NKIRAS1: variants seen among roughly 807,000 people sequenced by gnomAD.
NKIRAS1 encodes NFKB inhibitor interacting Ras like 1.
In NKIRAS1, 16 loss-of-function variants were observed where a neutral mutation model predicts 19.8. That is an observed-to-expected ratio of 0.81 (90% confidence interval 0.55 to 1.23). The LOEUF (loss-of-function observed/expected upper bound fraction) is 1.23. NKIRAS1 is among the 50% of genes most tolerant of loss of function. The pLI, the probability that NKIRAS1 is intolerant of heterozygous loss-of-function variation, is 0.00. For synonymous variants in NKIRAS1, 88 were observed against 79.0 expected (o/e 1.11, Z -0.61); for missense variants, 184 against 220.0 (o/e 0.84, Z 1.04).
chr3:23,916,755 G>C (rs4263234), intron 1 of NKIRAS1, 29 bp downstream of exon 1: 10 of 148,262 alleles, frequency 6.7e-5, no homozygotes, highest in East Asian at 4.0e-4. Flanking sequence ...GACTCCGCAG[G>C]GGGAGAGCCC....
In NKIRAS1 at chr3:23,945,279, C is replaced by G. The variant is rs986123377; in HGVS notation, c.-140+1044G>C. On this transcript the variant is annotated intron_variant, in intron 1 of 4. Transcript: ENST00000421515. Reference sequence around the variant, plus strand: ...GCGCGGGTCACATGGTCGCGGCTGCCCTCCCCGTCAGCCGCCCTCGCCGCC... The same window carrying G: ...GCGCGGGTCACATGGTCGCGGCTGCGCTCCCCGTCAGCCGCCCTCGCCGCC... 2.6e-5 allele frequency: 4 copies of G among 154,462 alleles called. No individual in the cohort carries two copies. The Admixed American group carries it at 2.6e-4, about 10-fold the overall frequency. The allele number at this position is 154,462 out of a possible 1,614,324, so 9.6% of individuals were successfully genotyped here. A position where few individuals can be genotyped will look rare whatever the true frequency, so the allele number is the denominator to read the frequency against.
intron 3 of NKIRAS1, among the ~76,000 whole-genome samples, chr3:23,906,028 G>A (rs774385823): frequency 1.3e-5 from 2 of 151,872 alleles, no homozygotes; most frequent in African/African-American, 2.4e-5. Context: ...GCATGATGGC[G>A]CATGACCGTA....
intron 1 of NKIRAS1, chr3:23,946,036 C>A (rs1234024571): frequency 3.1e-5 from 28 of 909,264 alleles, no homozygotes; most frequent in Non-Finnish European, 3.7e-5. Flanking sequence ...CGGGGGCGCG[C>A]GCGCGCGCGC....
chr3:23,911,819 G>A (rs1419971952), intron 1 of NKIRAS1, among the ~76,000 whole-genome samples: 2 of 146,856 alleles, frequency 1.4e-5, no homozygotes, highest in Non-Finnish European at 3.0e-5. Flanking sequence ...CTGGAGTGCA[G>A]TGATGAGATT....
intron 1 of NKIRAS1, among the ~76,000 whole-genome samples, chr3:23,939,379 AG>A (rs1372951729): frequency 6.6e-6 from 1 of 152,158 alleles, no homozygotes; most frequent in Non-Finnish European, 1.5e-5. Flanking sequence ...CCATTGAAAA[AG>A]TTAACAAAGT....
At position 23,892,468 on chromosome 3, in the gene NKIRAS1, G is replaced by A. The variant is rs897776157; in HGVS notation, c.*627C>T. On this transcript the variant is annotated 3_prime_UTR_variant, in exon 5 of 5. Transcript: ENST00000425478. ...ACAGGGGTCTGGCTAAGGAAAAAAC[G>A]GCCTTAGAGCGTGATGAACCTACTT... The A allele has an allele frequency of 6.6e-6, 1 of 152,082 alleles. No individual in the cohort carries two copies. Among genetic ancestry groups the A allele is most frequent in the South Asian group, 2.1e-4 (1 of 4,832 alleles). 9.4% of individuals were successfully genotyped at this position (152,082 alleles called of 1,614,324 possible). A position where few individuals can be genotyped will look rare whatever the true frequency, so the allele number is the denominator to read the frequency against.
chr3:23,936,141 T>C (rs1399448739), intron 1 of NKIRAS1, among the ~76,000 whole-genome samples: 1 of 130,536 alleles, frequency 7.7e-6, no homozygotes, highest in African/African-American at 2.9e-5. Flanking sequence ...ATAAGCATAA[T>C]AGGAGTGTTT....
intron 4 of NKIRAS1, among the ~76,000 whole-genome samples, chr3:23,900,559 C>T (rs1351748083): frequency 1.4e-5 from 2 of 146,680 alleles, no homozygotes; most frequent in African/African-American, 2.5e-5. Flanking sequence ...CGCTTGTACC[C>T]GGGAGGCGGA....
At chr3:23,917,887 C>T, upstream of NKIRAS1, 2 of 1,611,200 alleles carry the variant, frequency 1.2e-6, no homozygotes, top group Non-Finnish European at 1.7e-6. Flanking sequence ...CATCCAGGAG[C>T]TATGGAGAAA....
Position 23,892,439 on chromosome 3 carries a change from A to G in NKIRAS1, c.*656T>C, listed in dbSNP as rs893798300. On this transcript the variant is annotated 3_prime_UTR_variant, in exon 5 of 5. Coordinates refer to ENST00000425478, the MANE Select transcript of NKIRAS1 (RefSeq NM_020345.4). ...CAGTTTGCCCTCAAGTATCTGGTCT[A>G]TCAACAGGGGTCTGGCTAAGGAAAA... The G allele has an allele frequency of 3.9e-5, 6 of 152,262 alleles. No individual in the cohort carries two copies. Among genetic ancestry groups the G allele is most frequent in the African/African-American group, 1.4e-4 (6 of 41,464 alleles). The allele number at this position is 152,262 out of a possible 1,614,324, so 9.4% of individuals were successfully genotyped here.
rs913459191 is a variant in NKIRAS1, at chr3:23,895,180, A to AT, written c.337-1844dup. Among the ~76,000 whole-genome samples the AT allele has an allele frequency of 2.2e-4, 33 of 151,994 alleles. 1 individual carries two copies. The highest frequency in any genetic ancestry group is 3.4e-3 in the Middle Eastern group (1 of 294). On this transcript the variant is annotated intron_variant, in intron 4 of 4. Coordinates refer to ENST00000425478, the MANE Select transcript of NKIRAS1 (RefSeq NM_020345.4). ...ATCCTCCTCCTCAGCCTGCCCAGCTATTTTTTTAATTTTTAGAGATGGGGT... is the reference window on the plus strand; with the variant it reads ...ATCCTCCTCCTCAGCCTGCCCAGCTATTTTTTTTAATTTTTAGAGATGGGGT...
intron 1 of NKIRAS1, among the ~76,000 whole-genome samples, chr3:23,932,329 T>C (rs553419138): frequency 6.6e-6 from 1 of 152,284 alleles, no homozygotes; most frequent in Non-Finnish European, 1.5e-5. Flanking sequence ...AGAGGTCCCT[T>C]ACTTAACCTG....
At position 23,890,741 on chromosome 3, in the gene NKIRAS1, C is replaced by G. The variant is rs1020864089; in HGVS notation, c.*2354G>C. ...AACAGATATTATTCAGTCTTATTTC[C>G]TAAGATTTTGTTGTAACTTAAGGTA... On this transcript the variant is annotated 3_prime_UTR_variant, in exon 5 of 5. Transcript: ENST00000425478. 6 of 765,770 alleles carry G rather than the reference C, an allele frequency of 7.8e-6. No individual in the cohort carries two copies. The highest frequency in any genetic ancestry group is 9.5e-6 in the Non-Finnish European group (5 of 524,724). 47.4% of individuals were successfully genotyped at this position (765,770 alleles called of 1,614,324 possible).
At chr3:23,909,387 C>T (rs982318337) in intron 3 of NKIRAS1, among the ~76,000 whole-genome samples, 3 of 152,072 alleles carry the variant, frequency 2.0e-5, no homozygotes, top group African/African-American at 4.8e-5. Context: ...ATTAGCCAGA[C>T]GTGGTAGCAC....
intron 1 of NKIRAS1, among the ~76,000 whole-genome samples, chr3:23,944,122 A>G (rs1375068220): frequency 6.6e-6 from 1 of 152,320 alleles, no homozygotes; most frequent in South Asian, 2.1e-4. Flanking sequence ...TGAAGGTAGA[A>G]TAGCTCAGAC....
intron 1 of NKIRAS1, among the ~76,000 whole-genome samples, chr3:23,938,966 C>T (rs1705445013): frequency 6.6e-6 from 1 of 152,230 alleles, no homozygotes; most frequent in Admixed American, 6.5e-5. Context: ...CTCCTAGCAG[C>T]TCCAACCCCC....
At chr3:23,937,628 T>C (rs554320848) in intron 1 of NKIRAS1, among the ~76,000 whole-genome samples, 42 of 151,966 alleles carry the variant, frequency 2.8e-4, no homozygotes, top group Non-Finnish European at 5.4e-4. Flanking sequence ...GTATTGAAAA[T>C]AATGAGGCAT....
rs1701437774 is a variant in NKIRAS1, at chr3:23,891,248, G to A, written c.*1847C>T. On this transcript the variant is annotated 3_prime_UTR_variant, in exon 5 of 5. Transcript: ENST00000425478. ...GAGTTGCTCAGTGGATTGGTTCTAT[G>A]TTGTGGACTACTTAAGTCTGCATTT... 6.6e-6 allele frequency: 1 copy of A among 152,238 alleles called. No individual in the cohort carries two copies. The highest frequency in any genetic ancestry group is 1.5e-5 in the Non-Finnish European group (1 of 68,042). 9.4% of individuals were successfully genotyped at this position (152,238 alleles called of 1,614,324 possible). A position where few individuals can be genotyped will look rare whatever the true frequency, so the allele number is the denominator to read the frequency against.
chr3:23,898,656 A>G lies in NKIRAS1; in HGVS notation c.336+2152T>C, dbSNP rs186712539. Reference sequence around the variant, plus strand: ...AGACGGGGTTCCACCATGTTGGTCAAGCTGGACTCGAACTCCTGACCTCGT... The same window carrying G: ...AGACGGGGTTCCACCATGTTGGTCAGGCTGGACTCGAACTCCTGACCTCGT... On this transcript the variant is annotated intron_variant, in intron 4 of 4. Coordinates refer to ENST00000425478, the MANE Select transcript of NKIRAS1 (RefSeq NM_020345.4). 1.6e-4 allele frequency among the ~76,000 whole-genome samples: 25 copies of G among 152,080 alleles called. No individual in the cohort carries two copies. The East Asian group carries it at 3.1e-3, about 19-fold the overall frequency.
Sources: allele counts gnomAD v4.1 joint callset (sites outside exome capture counted in the v4.1 genomes callset), GRCh38; gene constraint gnomAD v4.1.1; transcripts MANE v1.5; gene names NCBI Gene and HGNC (gene_info 2026-07-23, HGNC 2026-07-21).